The following HSPG2 variants were observed in gnomAD, a reference collection of about 807,000 sequenced individuals.
HSPG2 encodes the protein heparan sulfate proteoglycan 2, also known as basement membrane-specific heparan sulfate proteoglycan core protein.
A neutral mutation model predicts 526.6 loss-of-function variants in HSPG2; 278 were observed. The observed-to-expected ratio is 0.53, with a 90% CI of 0.48 to 0.58. HSPG2 has a LOEUF of 0.58. Among genes scored for constraint, HSPG2 ranks in the 20% least tolerant of loss-of-function variants. The pLI, the probability that HSPG2 is intolerant of heterozygous loss-of-function variation, is 0.00. For missense variants in HSPG2, 5,354 were observed against 6,099.5 expected (o/e 0.88, Z 4.07); for synonymous variants, 2,465 against 2,555.4 (o/e 0.96, Z 1.07).
At position 21,861,758 on chromosome 1, in the gene HSPG2, G is replaced by T; in HGVS notation, c.4954C>A (p.Gln1652Lys). 1 of 1,613,860 alleles carries T rather than the reference G, an allele frequency of 6.2e-7. No homozygotes were observed. Among genetic ancestry groups the T allele is most frequent in the Non-Finnish European group, 8.5e-7 (1 of 1,179,830 alleles). The stretch of plus-strand genomic sequence containing the variant: ...CCCTACTTCTGTTTACAAACTTACT[G>T]CTCACAGTACTGGCCAGTGTAGCCG... Reference protein sequence around the residue: ...EPGYTGQYCEQCGPGYVGNPS... With the variant: ...EPGYTGQYCEKCGPGYVGNPS... Residue 1652 changes from glutamine to lysine, a missense_variant and splice_region_variant, in exon 39 of 97, where the codon CAG becomes AAG. Gln to Lys is a moderately conservative substitution (Grantham distance 53, BLOSUM62 1). Transcript: ENST00000374695.
chr1:21,859,710 G>T lies in HSPG2; in HGVS notation c.5183-34C>A. The T allele has an allele frequency of 6.3e-7, 1 of 1,587,428 alleles. No homozygotes were observed. Among genetic ancestry groups the T allele is most frequent in the South Asian group, 1.1e-5 (1 of 87,736 alleles). The stretch of plus-strand genomic sequence containing the variant: ...GAGGAGACAAGAGCTTGTTGGTGCA[G>T]ATACACTCTTTCTCACATCCAGCCC... On this transcript the variant is annotated intron_variant, in intron 41 of 96. Transcript: ENST00000374695. This position sits in a 1 kb window ranked among gnomAD's most constrained non-coding sequence, Gnocchi z 5.3.
rs766807669 is a variant in HSPG2 at position 21,887,545 on chromosome 1, C to A, written c.833G>T (p.Gly278Val). 1.6e-5 allele frequency: 26 copies of A among 1,614,014 alleles called. No individual in the cohort carries two copies. The Admixed American group carries it at 2.7e-4, about 17-fold the overall frequency. The change falls in exon 8 of 97, where the codon GGT becomes GTT. Residue 278 changes from glycine to valine, a missense_variant. Gly to Val is a moderately radical substitution (Grantham distance 109, BLOSUM62 -3). Coordinates refer to ENST00000374695, the MANE Select transcript of HSPG2 (RefSeq NM_005529.7). The surrounding 1 kb of genome is among the most constrained non-coding windows in gnomAD (Gnocchi z 5.0). The stretch of plus-strand genomic sequence containing the variant: ...CCCACAGGGCAGGGGCCTGACGGAA[C>A]CGGGAAGCAGGGGCTGAGGAGCGTG... Reference protein sequence around the residue: ...VTHAPQPLLPGSVRPLPCGPQ... With the variant: ...VTHAPQPLLPVSVRPLPCGPQ...
In HSPG2 at chr1:21,841,603, G is replaced by A; in HGVS notation, c.9264C>T (p.Thr3088=). ...IVGTRPSNHG[T]YRCVASNAYG... ...AGGCATTGGAGGCCACGCAGCGGTA[G>A]GTACCGTGGTTGCTGGGCCGGGTGC... Residue 3088 remains threonine (T), a synonymous_variant, in exon 70 of 97, where the codon ACC becomes ACT. Coordinates refer to ENST00000374695, the MANE Select transcript of HSPG2 (RefSeq NM_005529.7). 6.2e-7 allele frequency: 1 copy of A among 1,614,212 alleles called. No homozygotes were observed. Among genetic ancestry groups the A allele is most frequent in the Non-Finnish European group, 8.5e-7 (1 of 1,180,016 alleles).
Position 21,859,072 on chromosome 1 carries a change from G to C in HSPG2, c.5293+494C>G, listed in dbSNP as rs1639565964. ...TTATTATTATTATTTTTTTAAGACA[G>C]AGTCTTGCTCTGTTGCCCAGGCTGG... On this transcript the variant is annotated intron_variant, in intron 42 of 96. Transcript: ENST00000374695. This position sits in a 1 kb window ranked among gnomAD's most constrained non-coding sequence, Gnocchi z 5.3. Among the ~76,000 whole-genome samples, 2 of 152,008 alleles carry C rather than the reference G, an allele frequency of 1.3e-5. No homozygotes were observed. The highest frequency in any genetic ancestry group is 1.9e-4 in the East Asian group (1 of 5,172).
intron 1 of HSPG2, among the ~76,000 whole-genome samples, chr1:21,933,628 G>A (rs762801009): frequency 2.0e-5 from 3 of 152,236 alleles, no homozygotes; most frequent in Non-Finnish European, 4.4e-5. Context: ...CCTGAGAGCA[G>A]GCCCGGGCCA....
chr1:21,884,132 AC>A (rs1641698022), intron 13 of HSPG2, among the ~76,000 whole-genome samples: 1 of 152,146 alleles, frequency 6.6e-6, no homozygotes. Context: ...AGGCTTACAT[AC>A]GTGACTCCAC....
At position 21,873,002 on chromosome 1, in the gene HSPG2, A is replaced by G; in HGVS notation, c.3883T>C (p.Cys1295Arg). Reference protein sequence around the residue: ...SQCDAAGQCQCKAQVEGLTCS... With the variant: ...SQCDAAGQCQRKAQVEGLTCS... ...GGACAGGGATTCGGACTGACCTTGC[A>G]CTGGCACTGACCAGCAGCATCACAC... Residue 1295 changes from cysteine to arginine, a missense_variant, in exon 31 of 97, where the codon TGC becomes CGC. Physicochemically the swap from Cys to Arg is radical, Grantham distance 180 (BLOSUM62 -3). Transcript: ENST00000374695. The G allele has an allele frequency of 6.2e-7, 1 of 1,610,846 alleles. No individual in the cohort carries two copies. The highest frequency in any genetic ancestry group is 8.5e-7 in the Non-Finnish European group (1 of 1,179,752).
intron 33 of HSPG2, chr1:21,869,760 C>G (rs1640504686): frequency 1.0e-6 from 1 of 981,430 alleles, no homozygotes; most frequent in African/African-American, 1.7e-5. Context: ...AGCCAGCCAC[C>G]CGCTCTGCAC....
Position 21,930,722 on chromosome 1 carries a change from C to G in HSPG2, c.63+6433G>C, listed in dbSNP as rs570354862. 1.6e-4 allele frequency among the ~76,000 whole-genome samples: 24 copies of G among 150,150 alleles called. No individual in the cohort carries two copies. In the Middle Eastern group the frequency reaches 0.01, roughly 64 times the overall value. On this transcript the variant is annotated intron_variant, in intron 1 of 96. Transcript: ENST00000374695. ...CTGGGGGGCAGAGATTGCAGTGCGG[C>G]GAGATCATACCACTGCACTCTAGCC...
intron 1 of HSPG2, among the ~76,000 whole-genome samples, chr1:21,909,032 C>T (rs12075871): frequency 0.011 from 1,742 of 152,268 alleles, 34 homozygotes; most frequent in African/African-American, 0.04. Context: ...CGCTTGAACC[C>T]GGGAGGTGGA....
Position 21,854,933 on chromosome 1 carries a change from C to T in HSPG2, c.6048G>A (p.Thr2016=), listed in dbSNP as rs1192505162. ...DIATLLIPAI[T]TADAGFYLCV... Reference sequence around the variant, plus strand: ...AGAGGTAGAAGCCGGCGTCAGCAGTCGTGATGGCTGGGATGAGCAGTGTCG... The same window carrying T: ...AGAGGTAGAAGCCGGCGTCAGCAGTTGTGATGGCTGGGATGAGCAGTGTCG... Residue 2016 remains threonine, a synonymous_variant, in exon 48 of 97, where the codon ACG becomes ACA. Coordinates refer to ENST00000374695, the MANE Select transcript of HSPG2 (RefSeq NM_005529.7). The T allele has an allele frequency of 9.3e-6, 15 of 1,613,946 alleles. No individual in the cohort carries two copies. The highest frequency in any genetic ancestry group is 8.0e-5 in the African/African-American group (6 of 74,938).
In HSPG2 at chr1:21,828,616, C is replaced by T. The variant is rs151041708; in HGVS notation, c.12238-190G>A. Among the ~76,000 whole-genome samples, 15 of 152,186 alleles carry T rather than the reference C, an allele frequency of 9.9e-5. No homozygotes were observed. The highest frequency in any genetic ancestry group is 2.4e-4 in the African/African-American group (10 of 41,522). On this transcript the variant is annotated intron_variant, in intron 88 of 96. Transcript: ENST00000374695. This position sits in a 1 kb window ranked among gnomAD's most constrained non-coding sequence, Gnocchi z 6.0. ...CTACTGTGTGCTAGAAACATTCATC[C>T]GTCAGTGCAGACAATCCTCTGCCCA... is the stretch of plus-strand genomic sequence containing the variant.
In HSPG2 at chr1:21,898,108, C is replaced by T. The variant is rs1285221857; in HGVS notation, c.64-1798G>A. On this transcript the variant is annotated intron_variant, in intron 1 of 96. Coordinates refer to ENST00000374695, the MANE Select transcript of HSPG2 (RefSeq NM_005529.7). This position sits in a 1 kb window ranked among gnomAD's most constrained non-coding sequence, Gnocchi z 4.0. ...GAACGGACAAAAACGGAATTCATCA[C>T]CTATGAATTCCAGTCACTCTGTGAA... Among the ~76,000 whole-genome samples, 3 of 152,188 alleles carry T rather than the reference C, an allele frequency of 2.0e-5. No individual in the cohort carries two copies. Among genetic ancestry groups the T allele is most frequent in the Non-Finnish European group, 2.9e-5 (2 of 68,028 alleles).
intron 55 of HSPG2, 80 bp from the exon 56 acceptor site, chr1:21,850,578 C>T: frequency 7.0e-7 from 1 of 1,435,388 alleles, no homozygotes; most frequent in Non-Finnish European, 9.3e-7. Flanking sequence ...CTCACTCTGA[C>T]CCCCAAGGCC....
chr1:21,922,730 G>A (rs937831148), intron 1 of HSPG2, among the ~76,000 whole-genome samples: 1 of 152,136 alleles, frequency 6.6e-6, no homozygotes, highest in African/African-American at 2.4e-5. Flanking sequence ...TGCCTAGGAG[G>A]CCACAGTCCT....
rs1640856346 is a variant in HSPG2 at position 21,873,979 on chromosome 1, C to G, written c.3689G>C (p.Gly1230Ala). The change falls in exon 29 of 97, where the codon GGC becomes GCC. Residue 1230 changes from glycine (G) to alanine (A), a missense_variant. Physicochemically the swap from Gly to Ala is moderately conservative, Grantham distance 60 (BLOSUM62 0). Transcript: ENST00000374695. Reference sequence around the variant, plus strand: ...GGAGCACGCATCACAGGTGGGGTGGCCGTCTGTGTCCAGAAAACAAGTGTG... The same window carrying G: ...GGAGCACGCATCACAGGTGGGGTGGGCGTCTGTGTCCAGAAAACAAGTGTG... ...AAHTCFLDTD[G>A]HPTCDACSPG... The G allele has an allele frequency of 6.2e-7, 1 of 1,606,320 alleles. No homozygotes were observed. Among genetic ancestry groups the G allele is most frequent in the African/African-American group, 1.3e-5 (1 of 74,832 alleles).
In HSPG2 at chr1:21,851,684, G is replaced by C; in HGVS notation, c.7020C>G (p.Thr2340=). 6.2e-7 allele frequency: 1 copy of C among 1,614,060 alleles called. No homozygotes were observed. Among genetic ancestry groups the C allele is most frequent in the South Asian group, 1.1e-5 (1 of 91,080 alleles). Residue 2340 remains threonine (T), a synonymous_variant, in exon 55 of 97, where the codon ACC becomes ACG. Coordinates refer to ENST00000374695, the MANE Select transcript of HSPG2 (RefSeq NM_005529.7). ...GANLAYPAGS[T]QPIRIEPSSS... ...AGGAGGGCTCGATGCGGATGGGCTG[G>C]GTGCTGCCGGCAGCTGAGGGATAAG...
At chr1:21,842,735 C>T (rs2098054326) in intron 67 of HSPG2, 35 bp downstream of exon 67, 1 of 1,611,916 alleles carries the variant, frequency 6.2e-7, no homozygotes, top group Non-Finnish European at 8.5e-7. Flanking sequence ...CTAACCTTGC[C>T]TGACCTGGAA....
Position 21,846,227 on chromosome 1 carries a change from T to C in HSPG2, c.8345A>G (p.His2782Arg). ...QTRGSRLRLH[H>R]VSPADSGEYV... ...TTCACCCGAGTCGGCCGGGGACACATGGTGCAGCCGCAGCCGTGAGCCGCG... is the reference window on the plus strand; with the variant it reads ...TTCACCCGAGTCGGCCGGGGACACACGGTGCAGCCGCAGCCGTGAGCCGCG... Residue 2782 changes from histidine (H) to arginine (R), a missense_variant, in exon 64 of 97, where the codon CAT becomes CGT. Transcript: ENST00000374695. 1.9e-6 allele frequency: 3 copies of C among 1,612,822 alleles called. No individual in the cohort carries two copies. Among genetic ancestry groups the C allele is most frequent in the Non-Finnish European group, 2.5e-6 (3 of 1,179,944 alleles).
Sources: gnomAD v4.1 joint callset for allele counts (sites outside exome capture counted in the v4.1 genomes callset) on GRCh38, gnomAD v4.1.1 for gene constraint, Gnocchi (gnomAD v3.1) non-coding constraint, MANE v1.5 for transcripts, NCBI Gene and HGNC (gene_info 2026-07-23, HGNC 2026-07-21) for gene names.